FHIT: variants seen among roughly 807,000 people sequenced by gnomAD.
FHIT encodes fragile histidine triad diadenosine triphosphatase.
FHIT carries 19 observed loss-of-function variants against 17.9 expected under a neutral mutation model. That is an observed-to-expected ratio of 1.06 (90% confidence interval 0.74 to 1.56). The LOEUF is 1.56. Among genes scored for constraint, FHIT ranks in the 40% most tolerant of loss-of-function variants. The probability of loss-of-function intolerance (pLI) is 0.00; values close to 1 mark genes in which losing one functional copy is unlikely to be tolerated. For synonymous variants in FHIT, 81 were observed against 69.7 expected (o/e 1.16, Z -0.81); for missense variants, 248 against 189.2 (o/e 1.31, Z -1.82).
intron 5 of FHIT, among the ~76,000 whole-genome samples, chr3:60,221,795 T>C (rs1194008290): frequency 1.3e-5 from 2 of 152,154 alleles, no homozygotes; most frequent in African/African-American, 2.4e-5. Flanking sequence ...CTGCCTAAAA[T>C]TGATCTCCTC....
chr3:60,266,412 GA>G, intron 5 of FHIT, among the ~76,000 whole-genome samples: 1 of 152,154 alleles, frequency 6.6e-6, no homozygotes, highest in Non-Finnish European at 1.5e-5. Flanking sequence ...ATGAGAAACA[GA>G]AATGACTGCT....
chr3:60,137,016 C>T (rs1488262073), intron 5 of FHIT, among the ~76,000 whole-genome samples: 1 of 152,112 alleles, frequency 6.6e-6, no homozygotes. Context: ...ATGATAGTGT[C>T]CTTTTGGCAT....
intron 5 of FHIT, among the ~76,000 whole-genome samples, chr3:60,491,993 T>C (rs2034087012): frequency 6.6e-6 from 1 of 152,244 alleles, no homozygotes; most frequent in South Asian, 2.1e-4. Flanking sequence ...ACCTCGTTTA[T>C]GTGAAACAAT....
intron 4 of FHIT, among the ~76,000 whole-genome samples, chr3:60,683,607 A>T (rs191268304): frequency 1.3e-5 from 2 of 152,270 alleles, no homozygotes; most frequent in Admixed American, 6.5e-5. Flanking sequence ...GGAAACAAAA[A>T]AGTTTGTGTG....
chr3:60,695,675 TTGC>T (rs1220475103), intron 4 of FHIT, among the ~76,000 whole-genome samples: 1 of 152,130 alleles, frequency 6.6e-6, no homozygotes, highest in Non-Finnish European at 1.5e-5. Context: ...TTCAACATAA[TTGC>T]TGCTGCTGCT....
Position 60,860,835 on chromosome 3 carries a change from A to T in FHIT, c.-110-38824T>A, listed in dbSNP as rs1435418028. On this transcript the variant is annotated intron_variant, in intron 3 of 9. Coordinates refer to ENST00000492590, the MANE Select transcript of FHIT (RefSeq NM_002012.4). ...TATCAGGTATATATGATACATATGTACATATATCAGGTATATATGAACATA... is the reference window on the plus strand; with the variant it reads ...TATCAGGTATATATGATACATATGTTCATATATCAGGTATATATGAACATA... Among the ~76,000 whole-genome samples, 4 of 4,100 alleles carry T rather than the reference A, an allele frequency of 9.8e-4. 1 individual carries two copies. Among genetic ancestry groups the T allele is most frequent in the African/African-American group, 1.1e-3 (4 of 3,778 alleles). The allele number at this position is 4,100 out of a possible 152,430, so 2.7% of individuals were successfully genotyped here. A position where few individuals can be genotyped will look rare whatever the true frequency, so the allele number is the denominator to read the frequency against.
chr3:60,988,559 C>G (rs918485297), intron 3 of FHIT, among the ~76,000 whole-genome samples: 1 of 152,260 alleles, frequency 6.6e-6, no homozygotes, highest in South Asian at 2.1e-4. Context: ...AGACCATATT[C>G]CAGCTGAGAT....
intron 5 of FHIT, among the ~76,000 whole-genome samples, chr3:60,281,817 T>A (rs1341314314): frequency 2.0e-5 from 3 of 152,158 alleles, no homozygotes; most frequent in South Asian, 2.1e-4. Flanking sequence ...ACAAAAAAAA[T>A]TTTAAATTGA....
intron 5 of FHIT, among the ~76,000 whole-genome samples, chr3:60,140,427 A>AG (rs1421801578): frequency 6.6e-6 from 1 of 152,078 alleles, no homozygotes; most frequent in Non-Finnish European, 1.5e-5. Flanking sequence ...CTTGGCAGTG[A>AG]GGGGGAAAAA....
intron 4 of FHIT, among the ~76,000 whole-genome samples, chr3:60,747,126 CAAA>C (rs112642337): frequency 9.0e-6 from 1 of 110,952 alleles, no homozygotes; most frequent in Non-Finnish European, 2.0e-5. Flanking sequence ...TTGGAATTCA[CAAA>C]AAAAAAAAAA....
chr3:59,823,323 T>C (rs945994648), intron 8 of FHIT, among the ~76,000 whole-genome samples: 10 of 152,310 alleles, frequency 6.6e-5, no homozygotes, highest in Middle Eastern at 3.4e-3. Context: ...TCTAATTCTG[T>C]GAAGAATGAT....
Position 59,774,756 on chromosome 3 carries a change from G to A in FHIT, c.349-22435C>T, listed in dbSNP as rs373772776. ...TTAAGCACAGTTAAACAGCCCACAC[G>A]TGAGATTCAATACATATTTGTTGCA... is the stretch of plus-strand genomic sequence containing the variant. On this transcript the variant is annotated intron_variant, in intron 8 of 9. Transcript: ENST00000492590. 4.0e-4 allele frequency among the ~76,000 whole-genome samples: 61 copies of A among 152,268 alleles called. 1 individual carries two copies. The South Asian group carries it at 8.9e-3, about 22-fold the overall frequency.
chr3:60,661,425 T>A (rs1195722814), intron 4 of FHIT, among the ~76,000 whole-genome samples: 1 of 152,224 alleles, frequency 6.6e-6, no homozygotes, highest in Non-Finnish European at 1.5e-5. Flanking sequence ...GGTATATATG[T>A]TCCACAATTT....
In FHIT at chr3:61,238,042, C is replaced by T. The variant is rs545361574; in HGVS notation, c.-213+13259G>A. 3.4e-4 allele frequency among the ~76,000 whole-genome samples: 52 copies of T among 152,264 alleles called. No individual in the cohort carries two copies. In the South Asian group the frequency reaches 7.3e-3, roughly 21 times the overall value. On this transcript the variant is annotated intron_variant, in intron 1 of 9. Coordinates refer to ENST00000492590, the MANE Select transcript of FHIT (RefSeq NM_002012.4). Reference sequence around the variant, plus strand: ...ATGAGTCACACCTCATTTTGTTTATCATAGGCCATGCATTGTTCTATGCAT... The same window carrying T: ...ATGAGTCACACCTCATTTTGTTTATTATAGGCCATGCATTGTTCTATGCAT...
chr3:61,235,487 T>C (rs1030595163), intron 1 of FHIT, among the ~76,000 whole-genome samples: 56 of 152,336 alleles, frequency 3.7e-4, no homozygotes, highest in African/African-American at 1.1e-3. Flanking sequence ...AGATAGATCA[T>C]GGACCTGAAA....
At chr3:59,758,575 T>C (rs1221577381) in intron 8 of FHIT, among the ~76,000 whole-genome samples, 1 of 152,142 alleles carries the variant, frequency 6.6e-6, no homozygotes, top group African/African-American at 2.4e-5. Flanking sequence ...CTCAGCGGAC[T>C]AGTACGTCCT....
At chr3:60,173,953 CGCTAGGCTGGAGTGCAGTG>C (rs1425217394) in intron 5 of FHIT, among the ~76,000 whole-genome samples, 1 of 112,144 alleles carries the variant, frequency 8.9e-6, no homozygotes, top group Non-Finnish European at 1.8e-5. Context: ...CTCACTCTGT[CGCTAGGCTGGAGTGCAGTG>C]GCGCGATCTT....
intron 5 of FHIT, among the ~76,000 whole-genome samples, chr3:60,248,907 G>C (rs567836498): frequency 1.8e-4 from 28 of 152,206 alleles, no homozygotes; most frequent in African/African-American, 6.0e-4. Flanking sequence ...AGGATGAAAA[G>C]GTGAGACCTG....
intron 5 of FHIT, among the ~76,000 whole-genome samples, chr3:60,207,077 C>T (rs1007117873): frequency 1.3e-5 from 2 of 151,914 alleles, no homozygotes; most frequent in Non-Finnish European, 2.9e-5. Flanking sequence ...TGAAAAAAGT[C>T]TCAGAACACT....
Sources: allele counts gnomAD v4.1 joint callset (sites outside exome capture counted in the v4.1 genomes callset), GRCh38; gene constraint gnomAD v4.1.1; transcripts MANE v1.5; gene names NCBI Gene and HGNC (gene_info 2026-07-23, HGNC 2026-07-21).